The following OSMR variants were observed in gnomAD, a reference collection of about 807,000 sequenced individuals.
OSMR encodes oncostatin-M-specific receptor subunit beta.
A neutral mutation model predicts 99.9 loss-of-function variants in OSMR; 81 were observed. The observed-to-expected ratio is 0.81, with a 90% CI of 0.68 to 0.97. The LOEUF is 0.97. OSMR is among the 50% of genes least tolerant of loss of function. The pLI is 0.00. For synonymous variants in OSMR, 406 were observed against 410.4 expected, an observed-to-expected ratio of 0.99 and a Z score of 0.13; for missense variants, 1,099 against 1,153.4, an observed-to-expected ratio of 0.95 and a Z score of 0.68.
chr5:38,858,549 G>GT (rs1468030483), intron 1 of OSMR, among the ~76,000 whole-genome samples: 1 of 152,070 alleles, frequency 6.6e-6, no homozygotes, highest in Non-Finnish European at 1.5e-5. Context: ...CTTTGCTATT[G>GT]TGAATAGCGC....
At chr5:38,878,972 G>A (rs1030626694) in intron 3 of OSMR, among the ~76,000 whole-genome samples, 3 of 152,216 alleles carry the variant, frequency 2.0e-5, no homozygotes, top group African/African-American at 4.8e-5. Context: ...TGTGCGCAGT[G>A]TGGGAATGTC....
intron 2 of OSMR, among the ~76,000 whole-genome samples, chr5:38,870,333 T>TC (rs1554049008): frequency 3.3e-5 from 4 of 120,036 alleles, no homozygotes; most frequent in East Asian, 3.6e-4. Context: ...TGATTTTCTT[T>TC]TTTTTTTTTT....
intron 7 of OSMR, among the ~76,000 whole-genome samples, chr5:38,895,062 A>C (rs1231246299): frequency 1.3e-5 from 2 of 152,118 alleles, no homozygotes; most frequent in Non-Finnish European, 2.9e-5. Flanking sequence ...AAAAACAGAG[A>C]CATAACATAC....
intron 9 of OSMR, among the ~76,000 whole-genome samples, chr5:38,915,285 C>T (rs1440900712): frequency 1.3e-5 from 2 of 152,112 alleles, no homozygotes; most frequent in East Asian, 1.9e-4. Flanking sequence ...AATTTGACAG[C>T]ACTGGGATAT....
intron 15 of OSMR, among the ~76,000 whole-genome samples, chr5:38,930,640 G>C (rs1398647919): frequency 6.6e-6 from 1 of 152,174 alleles, no homozygotes; most frequent in African/African-American, 2.4e-5. Context: ...CAAGCAATGG[G>C]AACAGGAAGA....
chr5:38,864,819 A>G (rs1449102798), intron 1 of OSMR, among the ~76,000 whole-genome samples: 1 of 152,194 alleles, frequency 6.6e-6, no homozygotes, highest in East Asian at 1.9e-4. Context: ...TTTGTAAAAT[A>G]GATTTTCAAT....
intron 7 of OSMR, among the ~76,000 whole-genome samples, chr5:38,892,032 TG>T (rs1229378335): frequency 6.6e-6 from 1 of 152,104 alleles, no homozygotes; most frequent in East Asian, 1.9e-4. Flanking sequence ...TGGGCAGTCA[TG>T]GCTCTGAGTT....
At chr5:38,879,622 CTTTTT>C (rs1173567281) in intron 3 of OSMR, among the ~76,000 whole-genome samples, 2 of 131,252 alleles carry the variant, frequency 1.5e-5, no homozygotes, top group African/African-American at 2.9e-5. Flanking sequence ...ATATTTGCTC[CTTTTT>C]TTTTTTTTTT....
chr5:38,912,325 G>A (rs919484798), intron 9 of OSMR, among the ~76,000 whole-genome samples: 1 of 152,102 alleles, frequency 6.6e-6, no homozygotes, highest in East Asian at 1.9e-4. Flanking sequence ...TCCTACTTTC[G>A]ATACTCACAT....
intron 1 of OSMR, among the ~76,000 whole-genome samples, chr5:38,868,075 T>TG (rs1452359918): frequency 6.6e-6 from 1 of 152,226 alleles, no homozygotes; most frequent in African/African-American, 2.4e-5. Context: ...ACTATTGTAT[T>TG]TGTTCTCTTT....
chr5:38,944,117 G>A, intron 1 of OSMR: 1 of 423,452 alleles, frequency 2.4e-6, no homozygotes, highest in Non-Finnish European at 4.5e-6. Context: ...TCCATTACAT[G>A]TTAACATGTA....
intron 1 of OSMR, among the ~76,000 whole-genome samples, chr5:38,856,234 A>T (rs9791140): frequency 0.039 from 5,869 of 152,308 alleles, 213 homozygotes; most frequent in African/African-American, 0.089. Context: ...TGCATCAGCC[A>T]TGAGGAAGCC....
intron 7 of OSMR, among the ~76,000 whole-genome samples, chr5:38,901,557 A>G (rs1744890843): frequency 6.6e-6 from 1 of 152,184 alleles, no homozygotes; most frequent in East Asian, 1.9e-4. Flanking sequence ...TCCAGAGACT[A>G]GTGCCTAGTA....
intron 1 of OSMR, among the ~76,000 whole-genome samples, chr5:38,855,135 G>C (rs577981019): frequency 1.3e-5 from 2 of 152,282 alleles, no homozygotes; most frequent in African/African-American, 4.8e-5. Context: ...CCTCACCCTT[G>C]AGGCAAGCTA....
intron 9 of OSMR, among the ~76,000 whole-genome samples, chr5:38,910,864 G>A (rs926750500): frequency 6.6e-6 from 1 of 152,120 alleles, no homozygotes; most frequent in African/African-American, 2.4e-5. Context: ...ACAAAAATTA[G>A]CCAGGCGTGG....
At chr5:38,848,217 C>T (rs890572810) in intron 1 of OSMR, among the ~76,000 whole-genome samples, 4 of 152,222 alleles carry the variant, frequency 2.6e-5, no homozygotes, top group African/African-American at 7.2e-5. Flanking sequence ...GCCCTCCTTT[C>T]GCTGGGGGAG....
At chr5:38,877,310 A>G (rs75076723) in intron 3 of OSMR, among the ~76,000 whole-genome samples, 2,235 of 152,316 alleles carry the variant, frequency 0.015, 70 homozygotes, top group African/African-American at 0.051. Flanking sequence ...GGTAAGGCAT[A>G]CAAGTCACTA....
chr5:38,941,176 G>A (rs45601539), intron 1 of OSMR: 2,599 of 232,826 alleles, frequency 0.011, 28 homozygotes, highest in Non-Finnish European at 0.015. Context: ...AATGGATAAA[G>A]GCAATTAATA....
At chr5:38,920,252 C>T (rs974514792) in intron 11 of OSMR, among the ~76,000 whole-genome samples, 4 of 152,162 alleles carry the variant, frequency 2.6e-5, no homozygotes, top group African/African-American at 9.7e-5. Flanking sequence ...TTTCTTGTTT[C>T]TACATCACCA....
Sources: gnomAD v4.1 joint callset for allele counts (sites outside exome capture counted in the v4.1 genomes callset) on GRCh38, gnomAD v4.1.1 for gene constraint, MANE v1.5 for transcripts, NCBI Gene and HGNC (gene_info 2026-07-23, HGNC 2026-07-21) for gene names.